FSTL5: variants seen among roughly 807,000 people sequenced by gnomAD.
The protein encoded by FSTL5 is follistatin like 5, also known as follistatin-related protein 5.
A neutral mutation model predicts 89.1 loss-of-function variants in FSTL5; 62 were observed. That is an observed-to-expected ratio of 0.70 (90% CI 0.57 to 0.86). The LOEUF (loss-of-function observed/expected upper bound fraction) is 0.86. Among genes scored for constraint, FSTL5 ranks in the 40% least tolerant of loss-of-function variants. FSTL5 has a pLI of 0.00. For synonymous variants in FSTL5, 383 were observed against 346.2 expected (o/e 1.11, Z -1.18); for missense variants, 1,057 against 1,001.6 (o/e 1.06, Z -0.75).
intron 2 of FSTL5, among the ~76,000 whole-genome samples, chr4:162,042,628 T>C (rs1181366151): frequency 6.6e-6 from 1 of 152,112 alleles, no homozygotes; most frequent in Non-Finnish European, 1.5e-5. Flanking sequence ...AGGGAAATTA[T>C]ATAATATACT....
chr4:162,090,359 T>C (rs780965241), intron 2 of FSTL5, among the ~76,000 whole-genome samples: 1 of 152,166 alleles, frequency 6.6e-6, no homozygotes. Context: ...GACAAAGTTC[T>C]GATACATAGC....
chr4:162,039,585 A>G, intron 2 of FSTL5, among the ~76,000 whole-genome samples: 1 of 152,064 alleles, frequency 6.6e-6, no homozygotes, highest in South Asian at 2.1e-4. Context: ...AAAGTCCAGG[A>G]GAAAAAAACG....
chr4:161,663,785 C>G (rs948181711), intron 6 of FSTL5, among the ~76,000 whole-genome samples: 1 of 152,212 alleles, frequency 6.6e-6, no homozygotes. Flanking sequence ...CCACAGTGCC[C>G]TAGCAGAAGT....
chr4:161,676,696 A>T (rs1054825039), intron 6 of FSTL5, among the ~76,000 whole-genome samples: 25 of 151,776 alleles, frequency 1.6e-4, no homozygotes, highest in Non-Finnish European at 2.9e-4. Context: ...AAAGACTCCT[A>T]AAAAAACAAA....
At chr4:161,761,144 A>G (rs562726874) in intron 5 of FSTL5, among the ~76,000 whole-genome samples, 12 of 152,232 alleles carry the variant, frequency 7.9e-5, no homozygotes, top group Non-Finnish European at 1.5e-4. Context: ...ATCTGGTTTA[A>G]CTGACCCATA....
intron 13 of FSTL5, among the ~76,000 whole-genome samples, chr4:161,479,114 T>C (rs1729412344): frequency 6.6e-6 from 1 of 152,044 alleles, no homozygotes; most frequent in Non-Finnish European, 1.5e-5. Flanking sequence ...TGTGCCCCAA[T>C]TTATCAACCT....
intron 6 of FSTL5, among the ~76,000 whole-genome samples, chr4:161,704,801 G>A (rs1028168209): frequency 3.3e-5 from 5 of 152,000 alleles, no homozygotes; most frequent in African/African-American, 9.7e-5. Flanking sequence ...GACAACAGAG[G>A]TCCACTCCAC....
chr4:161,719,603 A>G (rs1378837793), intron 6 of FSTL5, among the ~76,000 whole-genome samples: 1 of 152,112 alleles, frequency 6.6e-6, no homozygotes, highest in Admixed American at 6.6e-5. Flanking sequence ...GATTCTTCCA[A>G]TCCATGATCA....
intron 3 of FSTL5, among the ~76,000 whole-genome samples, chr4:161,969,295 T>G (rs753677700): frequency 1.4e-4 from 22 of 152,320 alleles, no homozygotes; most frequent in Admixed American, 1.2e-3. Context: ...ATCTCTCAAG[T>G]GATTTTATCC....
At chr4:162,126,431 T>C (rs1195953032) in intron 1 of FSTL5, among the ~76,000 whole-genome samples, 1 of 152,184 alleles carries the variant, frequency 6.6e-6, no homozygotes, top group Non-Finnish European at 1.5e-5. Context: ...AATCTAATTA[T>C]GATTCTTTTG....
intron 6 of FSTL5, among the ~76,000 whole-genome samples, chr4:161,660,556 A>T (rs1167235604): frequency 2.0e-5 from 3 of 152,098 alleles, no homozygotes; most frequent in Admixed American, 2.0e-4. Flanking sequence ...TGTTGTACAG[A>T]TTATTTCATT....
At chr4:161,670,082 A>G (rs1737046128) in intron 6 of FSTL5, among the ~76,000 whole-genome samples, 1 of 152,226 alleles carries the variant, frequency 6.6e-6, no homozygotes, top group Admixed American at 6.5e-5. Context: ...GAAATATTGA[A>G]TGCATGAAAT....
chr4:161,507,446 C>A (rs928770644), intron 11 of FSTL5, among the ~76,000 whole-genome samples: 1 of 151,514 alleles, frequency 6.6e-6, no homozygotes, highest in Admixed American at 6.6e-5. Context: ...TATAGTAAAA[C>A]TACTTTTCAG....
At chr4:162,078,950 T>C (rs114571497) in intron 2 of FSTL5, among the ~76,000 whole-genome samples, 1 of 151,686 alleles carries the variant, frequency 6.6e-6, no homozygotes, top group African/African-American at 2.4e-5. Context: ...TTGGGCATGC[T>C]CTACTGCAGA....
At chr4:161,446,220 TACATTTA>T (rs1227071725) in intron 15 of FSTL5, among the ~76,000 whole-genome samples, 2 of 152,042 alleles carry the variant, frequency 1.3e-5, no homozygotes, top group African/African-American at 4.8e-5. Context: ...TCACTAATTT[TACATTTA>T]AATTAATCTT....
chr4:161,863,358 G>C (rs1395652973), intron 4 of FSTL5, among the ~76,000 whole-genome samples: 1 of 152,166 alleles, frequency 6.6e-6, no homozygotes, highest in Non-Finnish European at 1.5e-5. Context: ...TCAGGCAAGG[G>C]AAGTTTTATC....
intron 8 of FSTL5, among the ~76,000 whole-genome samples, chr4:161,580,113 C>T (rs1733382486): frequency 6.6e-6 from 1 of 152,094 alleles, no homozygotes; most frequent in Admixed American, 6.5e-5. Context: ...TATATTCTTG[C>T]TATTCAATAA....
intron 5 of FSTL5, among the ~76,000 whole-genome samples, chr4:161,770,437 T>C (rs1176810295): frequency 6.6e-6 from 1 of 152,002 alleles, no homozygotes; most frequent in Non-Finnish European, 1.5e-5. Flanking sequence ...ATTGCATCCC[T>C]ATATCAAAGT....
chr4:162,096,699 A>AT (rs1344799847), intron 2 of FSTL5, among the ~76,000 whole-genome samples: 1 of 151,874 alleles, frequency 6.6e-6, no homozygotes, highest in Non-Finnish European at 1.5e-5. Flanking sequence ...TGTAGCTTTA[A>AT]TTTTTTCCAA....
Sources: allele counts gnomAD v4.1 joint callset (sites outside exome capture counted in the v4.1 genomes callset), GRCh38; gene constraint gnomAD v4.1.1; transcripts MANE v1.5; gene names NCBI Gene and HGNC (gene_info 2026-07-23, HGNC 2026-07-21).